The following ADARB2 variants were observed in gnomAD, a reference collection of about 807,000 sequenced individuals.
ADARB2 encodes the protein inactive double-stranded RNA-specific editase B2.
ADARB2 carries 25 observed loss-of-function variants against 62.2 expected under a neutral mutation model. The ratio of observed to expected loss-of-function variants is 0.40; its 90% confidence interval spans 0.29 to 0.56. ADARB2 has a LOEUF of 0.56. Among genes scored for constraint, ADARB2 ranks in the 20% least tolerant of loss-of-function variants. ADARB2 has a pLI of 0.43. For missense variants in ADARB2, 1,071 were observed against 1,077.4 expected (o/e 0.99, Z 0.08); for synonymous variants, 572 against 500.8 (o/e 1.14, Z -1.90).
In ADARB2 at chr10:1,363,187, G is replaced by C. The variant is rs774320437; in HGVS notation, c.918C>G (p.Phe306Leu). 2 of 1,519,382 alleles carry C rather than the reference G, an allele frequency of 1.3e-6. No homozygotes were observed. The highest frequency in any genetic ancestry group is 1.2e-5 in the South Asian group (1 of 82,440). The allele number at this position is 1,519,382 out of a possible 1,614,324, so 94.1% of individuals were successfully genotyped here. The change falls in exon 3 of 10, where the codon TTC (phenylalanine) becomes TTG (leucine). Residue 306 changes from phenylalanine (F) to leucine (L), a missense_variant. Coordinates refer to ENST00000381312, the MANE Select transcript of ADARB2 (RefSeq NM_018702.4). ...TGCCGTCCACGCTCACGGCCATCAC[G>C]AAGCTCCGCGCGCGCCGCTCGGCCG... Reference protein sequence around the residue: ...AEPAERRARSFVMAVSVDGRT... With the variant: ...AEPAERRARSLVMAVSVDGRT...
At chr10:1,221,943 T>G (rs145016543) in intron 6 of ADARB2, among the ~76,000 whole-genome samples, 6,627 of 152,272 alleles carry the variant, frequency 0.044, 501 homozygotes, top group African/African-American at 0.15. Flanking sequence ...GTAATGGGAT[T>G]GCTGGGTCAA....
At chr10:1,390,476 A>C (rs1250467411) in intron 1 of ADARB2, among the ~76,000 whole-genome samples, 2 of 152,234 alleles carry the variant, frequency 1.3e-5, no homozygotes, top group African/African-American at 4.8e-5. Flanking sequence ...AAAAACAATT[A>C]AAAACCAAAA....
intron 1 of ADARB2, among the ~76,000 whole-genome samples, chr10:1,625,881 G>GCCCCACTTCTCACGCCTCTGCCTGACCA (rs1833759566): frequency 7.4e-5 from 5 of 67,858 alleles, no homozygotes; most frequent in Non-Finnish European, 1.4e-4. Flanking sequence ...CTGCCTGGCT[G>GCCCCACTTCTCACGCCTCTGCCTGACCA]CCCCACTTCT....
At position 1,199,954 on chromosome 10, in the gene ADARB2, G is replaced by A. The variant is rs533869965; in HGVS notation, c.1864+12C>T. 3.1e-5 allele frequency: 47 copies of A among 1,519,082 alleles called. 1 individual carries two copies. The highest frequency in any genetic ancestry group is 3.9e-5 in the Non-Finnish European group (44 of 1,135,324). The allele number at this position is 1,519,082 out of a possible 1,614,324, so 94.1% of individuals were successfully genotyped here. On this transcript the variant is annotated intron_variant, in intron 8 of 9. Transcript: ENST00000381312. The stretch of plus-strand genomic sequence containing the variant: ...GAAGGAGGTGGAGGGCCCCCGGGAA[G>A]GGGGTTCTTACCGCTGAGGAGAGGC...
At chr10:1,275,102 C>T (rs927236725) in intron 3 of ADARB2, among the ~76,000 whole-genome samples, 7 of 152,204 alleles carry the variant, frequency 4.6e-5, no homozygotes, top group African/African-American at 1.7e-4. Context: ...CTTGTGGGGT[C>T]ATTTGAGGAA....
chr10:1,532,451 G>A (rs1394682876), intron 1 of ADARB2, among the ~76,000 whole-genome samples: 1 of 152,184 alleles, frequency 6.6e-6, no homozygotes, highest in East Asian at 1.9e-4. Flanking sequence ...GTGGGCTCCT[G>A]TTTGTGGAGC....
chr10:1,274,598 A>G (rs1396354541), intron 3 of ADARB2, among the ~76,000 whole-genome samples: 1 of 152,224 alleles, frequency 6.6e-6, no homozygotes, highest in Non-Finnish European at 1.5e-5. Context: ...CCACTGAGTC[A>G]TAACAGTGCA....
intron 1 of ADARB2, among the ~76,000 whole-genome samples, chr10:1,490,624 T>C (rs1342409759): frequency 6.6e-6 from 1 of 152,128 alleles, no homozygotes; most frequent in African/African-American, 2.4e-5. Context: ...CCAGCTAATT[T>C]TTGTATTTTT....
chr10:1,544,422 A>G (rs1048031511), intron 1 of ADARB2, among the ~76,000 whole-genome samples: 4 of 152,316 alleles, frequency 2.6e-5, no homozygotes, highest in African/African-American at 9.6e-5. Flanking sequence ...TCTCAGGAGC[A>G]GGCTTGGGGG....
intron 3 of ADARB2, among the ~76,000 whole-genome samples, chr10:1,285,362 C>T (rs1193755669): frequency 2.1e-5 from 3 of 141,040 alleles, no homozygotes; most frequent in African/African-American, 7.6e-5. Context: ...GTAGGTGGGA[C>T]TGGGTGGGTG....
chr10:1,452,289 C>T (rs775927131), intron 1 of ADARB2, among the ~76,000 whole-genome samples: 9 of 151,920 alleles, frequency 5.9e-5, no homozygotes, highest in Non-Finnish European at 8.8e-5. Flanking sequence ...CCATGGCCCA[C>T]AAAAATCAGC....
intron 1 of ADARB2, among the ~76,000 whole-genome samples, chr10:1,500,615 T>A (rs1319571732): frequency 6.6e-6 from 1 of 152,204 alleles, no homozygotes; most frequent in African/African-American, 2.4e-5. Context: ...GGGTGAATTG[T>A]AGCAAAGAAA....
chr10:1,465,235 T>C (rs1588268280), intron 1 of ADARB2, among the ~76,000 whole-genome samples: 1 of 152,128 alleles, frequency 6.6e-6, no homozygotes, highest in Non-Finnish European at 1.5e-5. Flanking sequence ...GGAACAGGAA[T>C]GGGCCACAGA....
intron 1 of ADARB2, chr10:1,678,338 G>GGTGAGGGACCTCGGA (rs1834494438): frequency 1.0e-6 from 1 of 985,014 alleles, no homozygotes; most frequent in Non-Finnish European, 1.2e-6. Context: ...ACATCCTCGG[G>GGTGAGGGACCTCGGA]GTGAGGGACC....
At chr10:1,320,412 T>C (rs562311848) in intron 3 of ADARB2, among the ~76,000 whole-genome samples, 2 of 152,312 alleles carry the variant, frequency 1.3e-5, no homozygotes, top group South Asian at 4.1e-4. Context: ...TAGATGTCAC[T>C]TTGATTTTAG....
intron 1 of ADARB2, 89 bp from the exon 2 acceptor site, chr10:1,379,249 A>G (rs1263225277): frequency 9.0e-7 from 1 of 1,111,116 alleles, no homozygotes; most frequent in East Asian, 2.4e-5. Flanking sequence ...TGAATGTTGG[A>G]CAAGGGAGGT....
chr10:1,341,748 A>G (rs1326446992), intron 3 of ADARB2, among the ~76,000 whole-genome samples: 2 of 152,154 alleles, frequency 1.3e-5, no homozygotes, highest in Non-Finnish European at 2.9e-5. Flanking sequence ...GATAACCAGC[A>G]TCCACCAGAG....
intron 4 of ADARB2, among the ~76,000 whole-genome samples, chr10:1,247,931 A>G (rs1831001905): frequency 1.3e-5 from 2 of 152,114 alleles, no homozygotes; most frequent in African/African-American, 2.4e-5. Flanking sequence ...GGTTCCCCAC[A>G]TGGAGATCCT....
intron 4 of ADARB2, among the ~76,000 whole-genome samples, chr10:1,266,300 G>A (rs1040444979): frequency 3.9e-5 from 6 of 152,246 alleles, no homozygotes; most frequent in African/African-American, 7.2e-5. Context: ...GTGCAACAGC[G>A]CATGTGCTCC....
Sources: gnomAD v4.1 joint callset for allele counts (sites outside exome capture counted in the v4.1 genomes callset) on GRCh38, gnomAD v4.1.1 for gene constraint, MANE v1.5 for transcripts, NCBI Gene and HGNC (gene_info 2026-07-23, HGNC 2026-07-21) for gene names.